PLEKHA6: variants seen among roughly 807,000 people sequenced by gnomAD.
The protein encoded by PLEKHA6 is pleckstrin homology domain-containing family A member 6.
A neutral mutation model predicts 116.7 loss-of-function variants in PLEKHA6; 60 were observed. The observed-to-expected ratio is 0.51, with a 90% CI of 0.42 to 0.64. The LOEUF (loss-of-function observed/expected upper bound fraction) is 0.64, where lower values mean the gene tolerates loss of function less well. Among genes scored for constraint, PLEKHA6 ranks in the 30% least tolerant of loss-of-function variants. PLEKHA6 has a pLI of 0.00. For synonymous variants in PLEKHA6, 489 were observed against 556.1 expected, an observed-to-expected ratio of 0.88 and a Z score of 1.70; for missense variants, 1,338 against 1,422.7, an observed-to-expected ratio of 0.94 and a Z score of 0.96.
intron 1 of PLEKHA6, 167 bp from the exon 2 acceptor site, chr1:204,274,976 AGGGTGG>A: frequency 2.1e-4 from 6 of 28,594 alleles, no homozygotes; most frequent in Non-Finnish European, 2.5e-4. Flanking sequence ...CATCTGGATG[AGGGTGG>A]GGGCGGGGTG....
intron 15 of PLEKHA6, among the ~76,000 whole-genome samples, chr1:204,242,836 G>A (rs1663026088): frequency 1.3e-5 from 2 of 152,206 alleles, no homozygotes; most frequent in Admixed American, 1.3e-4. Flanking sequence ...CTTAATACCA[G>A]CACCCACAAA....
At chr1:204,301,797 A>G (rs1191392564) in intron 1 of PLEKHA6, among the ~76,000 whole-genome samples, 2 of 152,098 alleles carry the variant, frequency 1.3e-5, no homozygotes, top group Non-Finnish European at 2.9e-5. Flanking sequence ...AAAATGGGAA[A>G]CCAGCCCTGG....
chr1:204,364,624 T>C (rs1027727154), upstream of PLEKHA6, among the ~76,000 whole-genome samples: 79 of 152,182 alleles, frequency 5.2e-4, no homozygotes, highest in Non-Finnish European at 2.8e-4. Context: ...TGGAAATGTA[T>C]GTGAACACAG....
chr1:204,230,380 G>T (rs542668291), intron 18 of PLEKHA6, 33 bp downstream of exon 18: 7 of 1,520,570 alleles, frequency 4.6e-6, no homozygotes, highest in Non-Finnish European at 6.2e-6. Context: ...CAGATGCCAG[G>T]CTCACGCCTG....
chr1:204,348,714 A>ACC (rs3038282), intron 1 of PLEKHA6, among the ~76,000 whole-genome samples: 15 of 136,744 alleles, frequency 1.1e-4, no homozygotes, highest in African/African-American at 4.3e-4. Flanking sequence ...CAGGTGCCAA[A>ACC]CCCCCCCCCC....
intron 17 of PLEKHA6, 135 bp downstream of exon 17, chr1:204,241,240 C>T: frequency 1.6e-6 from 1 of 618,390 alleles, no homozygotes; most frequent in South Asian, 1.9e-5. Context: ...GGGCTCTTGC[C>T]CCTCCTCTCA....
chr1:204,360,122 C>A (rs1035250040), upstream of PLEKHA6, among the ~76,000 whole-genome samples: 1 of 152,374 alleles, frequency 6.6e-6, no homozygotes, highest in East Asian at 1.9e-4. Flanking sequence ...CTCAGCACAG[C>A]CTCCTGGGCC....
At chr1:204,288,371 G>A (rs951564887) in intron 1 of PLEKHA6, among the ~76,000 whole-genome samples, 9 of 152,206 alleles carry the variant, frequency 5.9e-5, no homozygotes, top group South Asian at 2.1e-4. Flanking sequence ...TAATGCTGCC[G>A]CCTCCCATGT....
intron 1 of PLEKHA6, among the ~76,000 whole-genome samples, chr1:204,295,902 G>A (rs74138449): frequency 0.015 from 2,212 of 152,282 alleles, 64 homozygotes; most frequent in African/African-American, 0.051. Flanking sequence ...CCAGAGCAGG[G>A]CAATTTTCTA....
chr1:204,337,835 T>C (rs566423835), intron 1 of PLEKHA6, among the ~76,000 whole-genome samples: 1 of 152,222 alleles, frequency 6.6e-6, no homozygotes, highest in African/African-American at 2.4e-5. Flanking sequence ...CACCCAAAGA[T>C]GAGGAGGGCA....
chr1:204,259,145 C>T lies in PLEKHA6; in HGVS notation c.1007+113G>A. The T allele has an allele frequency of 7.9e-7, 1 of 1,267,758 alleles. No homozygotes were observed. The highest frequency in any genetic ancestry group is 1.5e-5 in the South Asian group (1 of 67,446). The allele number at this position is 1,267,758 out of a possible 1,614,324, so 78.5% of individuals were successfully genotyped here. ...ATGGGATTTGCTTGGTTTCCCAACT[C>T]AGCCTGCTTCCAGAAGGTTTCCAAC... On this transcript the variant is annotated intron_variant, in intron 8 of 22. Transcript: ENST00000272203. The surrounding 1 kb of genome is among the most constrained non-coding windows in gnomAD (Gnocchi z 4.6).
intron 6 of PLEKHA6, among the ~76,000 whole-genome samples, chr1:204,262,656 A>G (rs563281245): frequency 1.1e-4 from 17 of 152,082 alleles, no homozygotes; most frequent in Non-Finnish European, 2.4e-4. Flanking sequence ...CTAAATGCTC[A>G]AAAGATTCCT....
chr1:204,377,119 G>A (rs930188046), intron 1 of PLEKHA6, among the ~76,000 whole-genome samples: 1 of 152,204 alleles, frequency 6.6e-6, no homozygotes, highest in Non-Finnish European at 1.5e-5. Flanking sequence ...TGGGCACGCT[G>A]AGTCTGGGGC....
intron 1 of PLEKHA6, among the ~76,000 whole-genome samples, chr1:204,336,293 G>A (rs1250677193): frequency 6.6e-6 from 1 of 152,206 alleles, no homozygotes. Flanking sequence ...TGGTCTCCCT[G>A]CTCCCCGCAA....
intron 1 of PLEKHA6, chr1:204,307,702 C>T (rs1186351199): frequency 1.1e-5 from 2 of 182,122 alleles, no homozygotes; most frequent in Non-Finnish European, 2.1e-5. Flanking sequence ...CCCGCCTGCT[C>T]ATTGGAAACA....
intron 1 of PLEKHA6, chr1:204,317,252 C>A (rs1411723533): frequency 1.0e-6 from 1 of 967,758 alleles, no homozygotes; most frequent in Non-Finnish European, 1.2e-6. Flanking sequence ...GGACAGCTAG[C>A]AGCCCTGGGT....
chr1:204,301,737 A>G lies in PLEKHA6; in HGVS notation c.-94-26928T>C, dbSNP rs147890440. On this transcript the variant is annotated intron_variant, in intron 1 of 22. Transcript: ENST00000272203. The stretch of plus-strand genomic sequence containing the variant: ...CAAACATATCAACACACAGCCGAAC[A>G]GGTTTGGCATGTTTCTCCTGATGCT... 1.3e-4 allele frequency among the ~76,000 whole-genome samples: 20 copies of G among 152,346 alleles called. 1 individual carries two copies. In the East Asian group the frequency reaches 3.9e-3, roughly 29 times the overall value.
chr1:204,250,011 C>T (rs192651647), intron 10 of PLEKHA6, among the ~76,000 whole-genome samples: 5 of 152,338 alleles, frequency 3.3e-5, no homozygotes, highest in South Asian at 2.1e-4. Flanking sequence ...TCAGCCCACA[C>T]GGCCTCACTT....
chr1:204,316,455 G>A (rs1246576928), intron 1 of PLEKHA6, among the ~76,000 whole-genome samples: 4 of 152,154 alleles, frequency 2.6e-5, no homozygotes, highest in African/African-American at 9.7e-5. Context: ...TGAGTCCAGG[G>A]GTACCCAACC....
Sources: allele counts gnomAD v4.1 joint callset (sites outside exome capture counted in the v4.1 genomes callset), GRCh38; gene constraint gnomAD v4.1.1; non-coding constraint Gnocchi (gnomAD v3.1); transcripts MANE v1.5; gene names NCBI Gene and HGNC (gene_info 2026-07-23, HGNC 2026-07-21).